Variants in NLRP14 observed in about 807,000 individuals in gnomAD.
The protein encoded by NLRP14 is NACHT, LRR and PYD domains-containing protein 14.
NLRP14 carries 105 observed loss-of-function variants against 94.7 expected under a neutral mutation model. The observed-to-expected ratio is 1.11, with a 90% CI of 0.95 to 1.30. The LOEUF is 1.30. NLRP14 is among the 50% of genes most tolerant of loss of function. The pLI is 0.00. For synonymous variants in NLRP14, 508 were observed against 459.9 expected, an observed-to-expected ratio of 1.10 and a Z score of -1.34; for missense variants, 1,362 against 1,254.1, an observed-to-expected ratio of 1.09 and a Z score of -1.30.
intron 6 of NLRP14, among the ~76,000 whole-genome samples, chr11:7,053,450 CATATATATATGATTTAAATTAT>C (rs1256394051): frequency 7.6e-6 from 1 of 132,286 alleles, no homozygotes; most frequent in African/African-American, 2.8e-5. Flanking sequence ...TCATTTAAAT[CATATATATATGATTTAAATTAT>C]ATATATATAT....
At chr11:7,047,767 TC>T (rs113402152) in intron 5 of NLRP14, among the ~76,000 whole-genome samples, 19,200 of 139,324 alleles carry the variant, frequency 0.14, 2,698 homozygotes, top group African/African-American at 0.27. Flanking sequence ...TCTTTTCTTT[TC>T]TTTTTTTTTT....
the NLRP14 span, chr11:7,089,397 C>T: frequency 2.5e-5 from 39 of 1,591,822 alleles, no homozygotes; most frequent in Admixed American, 3.5e-5. Flanking sequence ...CGAGAGCAGC[C>T]GGCGGGGCCC....
At chr11:7,083,291 C>T in the NLRP14 span, among the ~76,000 whole-genome samples, 1 of 152,196 alleles carries the variant, frequency 6.6e-6, no homozygotes, top group East Asian at 1.9e-4. Context: ...GTTTCAAATG[C>T]CCATTCCAAT....
chr11:7,090,036 G>A, the NLRP14 span: 1 of 1,613,194 alleles, frequency 6.2e-7, no homozygotes, highest in Non-Finnish European at 8.5e-7. Context: ...CGGAGGAGGA[G>A]GCCGCTACGA....
At chr11:7,086,541 A>T in the NLRP14 span, among the ~76,000 whole-genome samples, 3 of 152,384 alleles carry the variant, frequency 2.0e-5, no homozygotes, top group Admixed American at 6.5e-5. Context: ...GGCAGAATTT[A>T]TATGCCTTGT....
chr11:7,051,838 G>T (rs1311061776), intron 6 of NLRP14, among the ~76,000 whole-genome samples: 1 of 152,150 alleles, frequency 6.6e-6, no homozygotes, highest in African/African-American at 2.4e-5. Flanking sequence ...GGCCAGGATG[G>T]TCTCGATCTC....
At position 7,042,624 on chromosome 11, in the gene NLRP14, T is replaced by A; in HGVS notation, c.598T>A (p.Trp200Arg). Residue 200 changes from tryptophan to arginine, a missense_variant, in exon 4 of 12, where the codon TGG (tryptophan) becomes AGG (arginine). Trp to Arg is a moderately radical substitution (Grantham distance 101). Transcript: ENST00000299481. ...TTLVRKAMLD[W>R]AEGSLYQQRF... ...CTTGGTGAGAAAGGCAATGTTAGAT[T>A]GGGCAGAGGGCAGTCTCTACCAGCA... The A allele has an allele frequency of 6.2e-7, 1 of 1,614,216 alleles. No individual in the cohort carries two copies. The highest frequency in any genetic ancestry group is 8.5e-7 in the Non-Finnish European group (1 of 1,180,032).
At chr11:7,090,107 T>C in the NLRP14 span, 4 of 1,612,278 alleles carry the variant, frequency 2.5e-6, no homozygotes, top group Admixed American at 1.7e-5. Context: ...ACAGCAGCAG[T>C]TATGGCCGGA....
intron 3 of NLRP14, among the ~76,000 whole-genome samples, chr11:7,041,651 G>A (rs116880075): frequency 0.031 from 4,718 of 152,248 alleles, 97 homozygotes; most frequent in Middle Eastern, 0.068. Context: ...GAAGCCCCTA[G>A]CCAAGTGCAT....
intron 2 of NLRP14, 94 bp from the exon 3 acceptor site, chr11:7,039,620 G>T: frequency 1.0e-6 from 1 of 978,592 alleles, no homozygotes; most frequent in South Asian, 1.3e-5. Context: ...CATAGAATTG[G>T]ACCACTTATG....
intron 10 of NLRP14, 41 bp from the exon 11 acceptor site, chr11:7,070,245 C>G: frequency 6.9e-7 from 1 of 1,458,740 alleles, no homozygotes; most frequent in Non-Finnish European, 9.6e-7. Flanking sequence ...GTTGTGTCAT[C>G]GAATAAATTC....
chr11:7,055,347 C>G (rs1852502351), intron 6 of NLRP14, among the ~76,000 whole-genome samples: 1 of 152,086 alleles, frequency 6.6e-6, no homozygotes, highest in African/African-American at 2.4e-5. Context: ...AACCATATAG[C>G]TTCGGCAACA....
At chr11:7,056,255 CAATT>C (rs1163624286) in intron 6 of NLRP14, among the ~76,000 whole-genome samples, 1 of 151,444 alleles carries the variant, frequency 6.6e-6, no homozygotes, top group African/African-American at 2.4e-5. Context: ...CAAAGCAAGA[CAATT>C]GATAAAAAGT....
At chr11:7,057,429 G>A (rs1852531338) in intron 6 of NLRP14, among the ~76,000 whole-genome samples, 1 of 152,018 alleles carries the variant, frequency 6.6e-6, no homozygotes. Flanking sequence ...ATTTTTGAAT[G>A]CTCTCAAATG....
At chr11:7,041,477 T>C (rs893003752) in intron 3 of NLRP14, among the ~76,000 whole-genome samples, 2 of 152,168 alleles carry the variant, frequency 1.3e-5, no homozygotes, top group African/African-American at 4.8e-5. Context: ...AAACTTCATA[T>C]CTTTTTTGGT....
intron 10 of NLRP14, among the ~76,000 whole-genome samples, chr11:7,069,039 C>T (rs1314854296): frequency 6.6e-6 from 1 of 152,138 alleles, no homozygotes; most frequent in Non-Finnish European, 1.5e-5. Context: ...AACTCAGTTA[C>T]TGTGAAAAAT....
chr11:7,036,505 G>A (rs191890071), intron 1 of NLRP14, among the ~76,000 whole-genome samples: 47 of 152,250 alleles, frequency 3.1e-4, no homozygotes, highest in African/African-American at 1.1e-3. Flanking sequence ...AGAGACAAGT[G>A]TAAATATCAA....
At chr11:7,046,029 T>C (rs1360892839) in intron 4 of NLRP14, among the ~76,000 whole-genome samples, 2 of 152,158 alleles carry the variant, frequency 1.3e-5, no homozygotes, top group East Asian at 3.8e-4. Context: ...CCCTGTTTTA[T>C]TACCCTTTAT....
chr11:7,088,964 G>A, the NLRP14 span: 2 of 815,226 alleles, frequency 2.5e-6, no homozygotes, highest in South Asian at 1.7e-5. Context: ...CAGCAGGGGC[G>A]CGCCCTGCAG....
Sources: gnomAD v4.1 joint callset for allele counts (sites outside exome capture counted in the v4.1 genomes callset) on GRCh38, gnomAD v4.1.1 for gene constraint, MANE v1.5 for transcripts, NCBI Gene and HGNC (gene_info 2026-07-23, HGNC 2026-07-21) for gene names.